The following PTPRT variants were observed in gnomAD, a reference collection of about 807,000 sequenced individuals.
PTPRT encodes protein tyrosine phosphatase receptor type T.
Under a neutral mutation model 176.8 loss-of-function variants are expected in PTPRT, and 56 were observed. The ratio of observed to expected loss-of-function variants is 0.32; its 90% CI spans 0.26 to 0.40. The LOEUF (loss-of-function observed/expected upper bound fraction) is 0.40. PTPRT is among the 10% of genes least tolerant of loss of function. The pLI is 1.00. For synonymous variants in PTPRT, 783 were observed against 739.0 expected (o/e 1.06, Z -0.96); for missense variants, 1,540 against 1,908.2 (o/e 0.81, Z 3.60).
intron 6 of PTPRT, among the ~76,000 whole-genome samples, chr20:42,683,556 G>C (rs1377084004): frequency 6.6e-6 from 1 of 152,156 alleles, no homozygotes; most frequent in Non-Finnish European, 1.5e-5. Context: ...GGGATTACAG[G>C]CTTGAGCCAC....
intron 4 of PTPRT, among the ~76,000 whole-genome samples, chr20:42,775,123 G>T (rs2077116633): frequency 1.3e-5 from 2 of 152,166 alleles, no homozygotes; most frequent in African/African-American, 4.8e-5. Context: ...TCCACACTGA[G>T]ACCCAATTCC....
At chr20:42,247,983 A>C (rs2056483709) in intron 14 of PTPRT, among the ~76,000 whole-genome samples, 1 of 152,198 alleles carries the variant, frequency 6.6e-6, no homozygotes, top group Admixed American at 6.5e-5. Context: ...CTGGTGTAGT[A>C]CATCTTGGAA....
chr20:42,845,479 G>C (rs1419798162), intron 2 of PTPRT, among the ~76,000 whole-genome samples: 1 of 152,174 alleles, frequency 6.6e-6, no homozygotes. Context: ...GTGTGTGACA[G>C]AGTGTGTGGT....
intron 6 of PTPRT, among the ~76,000 whole-genome samples, chr20:42,741,288 C>T (rs950044844): frequency 1.3e-5 from 2 of 152,198 alleles, no homozygotes; most frequent in African/African-American, 4.8e-5. Context: ...CCAGGAATGC[C>T]TGGCATGAGC....
rs371196155 is a variant in PTPRT at position 42,335,991 on chromosome 20, C to T, written c.1865+14637G>A. 1.4e-4 allele frequency among the ~76,000 whole-genome samples: 21 copies of T among 152,234 alleles called. No individual in the cohort carries two copies. In the South Asian group the frequency reaches 2.9e-3, roughly 21 times the overall value. ...TAACCTTTCAGTACTTCAGTTTCCC[C>T]ATCTGTAAAATAGGGATAACACTAG... On this transcript the variant is annotated intron_variant, in intron 11 of 30. Transcript: ENST00000373187.
At chr20:42,050,605 C>T in the PTPRT span, among the ~76,000 whole-genome samples, 1 of 152,160 alleles carries the variant, frequency 6.6e-6, no homozygotes, top group Non-Finnish European at 1.5e-5. Context: ...GTGCCTGACA[C>T]ATAGCAGCCT....
intron 8 of PTPRT, among the ~76,000 whole-genome samples, chr20:42,452,934 A>G (rs1286261630): frequency 6.6e-6 from 1 of 152,238 alleles, no homozygotes. Context: ...TTAATTGACC[A>G]GTCAAAACTT....
At chr20:43,178,426 G>A (rs555853896) in intron 1 of PTPRT, among the ~76,000 whole-genome samples, 2 of 152,258 alleles carry the variant, frequency 1.3e-5, no homozygotes, top group East Asian at 1.9e-4. Flanking sequence ...TGAGCTGAAA[G>A]CCACTCCCCC....
chr20:42,100,217 G>A (rs550800425), intron 26 of PTPRT, among the ~76,000 whole-genome samples: 2 of 152,296 alleles, frequency 1.3e-5, no homozygotes, highest in South Asian at 4.2e-4. Flanking sequence ...GCTCTATTAG[G>A]CCAGCACGCC....
chr20:42,594,440 C>T (rs546060899), intron 7 of PTPRT, among the ~76,000 whole-genome samples: 23 of 152,124 alleles, frequency 1.5e-4, no homozygotes, highest in Non-Finnish European at 2.8e-4. Flanking sequence ...CTCTTTCTCT[C>T]GGGACAGAAA....
chr20:42,264,121 G>A (rs75028252), intron 13 of PTPRT, among the ~76,000 whole-genome samples: 2,661 of 152,274 alleles, frequency 0.017, 79 homozygotes, highest in African/African-American at 0.06. Flanking sequence ...ATGGAAGACT[G>A]GAGACTGATT....
chr20:42,432,455 C>T (rs990622046), intron 9 of PTPRT, among the ~76,000 whole-genome samples: 3 of 152,150 alleles, frequency 2.0e-5, no homozygotes, highest in Admixed American at 6.5e-5. Context: ...CCTTCTTGGC[C>T]AAGGGGACCC....
intron 17 of PTPRT, among the ~76,000 whole-genome samples, chr20:42,151,090 T>A (rs1262049844): frequency 6.6e-6 from 1 of 151,820 alleles, no homozygotes; most frequent in African/African-American, 2.4e-5. Flanking sequence ...CTTGTAGAAA[T>A]CATTCTCTTG....
At chr20:42,037,454 C>G in the PTPRT span, among the ~76,000 whole-genome samples, 1 of 152,164 alleles carries the variant, frequency 6.6e-6, no homozygotes, top group South Asian at 2.1e-4. Context: ...CATTTAAGAT[C>G]CCCTTTCCTG....
intron 1 of PTPRT, among the ~76,000 whole-genome samples, chr20:43,132,442 A>G (rs1429867065): frequency 6.6e-6 from 1 of 152,228 alleles, no homozygotes; most frequent in Non-Finnish European, 1.5e-5. Context: ...GGGTTTTATC[A>G]GAGGACAAAA....
chr20:42,865,479 G>A (rs996923677), intron 2 of PTPRT, among the ~76,000 whole-genome samples: 2 of 152,196 alleles, frequency 1.3e-5, no homozygotes, highest in African/African-American at 4.8e-5. Context: ...CCAGTTTTAG[G>A]AGCTGAGGAC....
At chr20:42,543,756 A>G (rs2050803273) in intron 7 of PTPRT, among the ~76,000 whole-genome samples, 1 of 152,040 alleles carries the variant, frequency 6.6e-6, no homozygotes, top group Non-Finnish European at 1.5e-5. Context: ...AGTCAAAATG[A>G]CTTCTTGATC....
At chr20:42,120,592 C>G (rs1987537992) in intron 19 of PTPRT, among the ~76,000 whole-genome samples, 2 of 152,214 alleles carry the variant, frequency 1.3e-5, no homozygotes, top group African/African-American at 4.8e-5. Flanking sequence ...TCTAATTTCT[C>G]TGTACATTTC....
chr20:42,752,375 T>G (rs1407778565), intron 6 of PTPRT, among the ~76,000 whole-genome samples: 1 of 152,232 alleles, frequency 6.6e-6, no homozygotes, highest in Non-Finnish European at 1.5e-5. Context: ...TGTTCCCAGA[T>G]GAGCCAGCTG....
Sources: gnomAD v4.1 joint callset for allele counts (sites outside exome capture counted in the v4.1 genomes callset) on GRCh38, gnomAD v4.1.1 for gene constraint, MANE v1.5 for transcripts, NCBI Gene and HGNC (gene_info 2026-07-23, HGNC 2026-07-21) for gene names.